Variants in ADAMTS2 observed in about 807,000 individuals in gnomAD.
ADAMTS2 encodes A disintegrin and metalloproteinase with thrombospondin motifs 2.
Under a neutral mutation model 123.0 loss-of-function variants are expected in ADAMTS2, and 50 were observed. The ratio of observed to expected loss-of-function variants is 0.41; its 90% CI spans 0.32 to 0.51. The LOEUF (loss-of-function observed/expected upper bound fraction) is 0.51, where lower values mean the gene tolerates loss of function less well. ADAMTS2 is among the 20% of genes least tolerant of loss of function. The pLI, the probability that ADAMTS2 is intolerant of heterozygous loss-of-function variation, is 0.35. For missense variants in ADAMTS2, 1,494 were observed against 1,705.2 expected, an observed-to-expected ratio of 0.88 and a Z score of 2.18; for synonymous variants, 678 against 695.4, an observed-to-expected ratio of 0.98 and a Z score of 0.39.
At chr5:179,171,285 C>T (rs1038143450) in intron 5 of ADAMTS2, among the ~76,000 whole-genome samples, 5 of 152,084 alleles carry the variant, frequency 3.3e-5, no homozygotes, top group Admixed American at 6.5e-5. Context: ...ATGGCTCCTC[C>T]GGTCCCACAG....
chr5:179,259,751 G>A (rs1295793248), intron 3 of ADAMTS2, among the ~76,000 whole-genome samples: 1 of 152,228 alleles, frequency 6.6e-6, no homozygotes, highest in Non-Finnish European at 1.5e-5. Flanking sequence ...ACAGTTAACT[G>A]TCAGAAAGTG....
intron 3 of ADAMTS2, among the ~76,000 whole-genome samples, chr5:179,220,003 T>C (rs1032542145): frequency 6.6e-6 from 1 of 152,114 alleles, no homozygotes; most frequent in African/African-American, 2.4e-5. Flanking sequence ...CTGCCTAGCA[T>C]CTGCTTAAGC....
At chr5:179,153,097 C>T (rs1385443079) in intron 9 of ADAMTS2, among the ~76,000 whole-genome samples, 5 of 152,168 alleles carry the variant, frequency 3.3e-5, no homozygotes, top group African/African-American at 1.2e-4. Context: ...CCTGTGCCTG[C>T]CGCGCTCTCC....
At position 179,154,055 on chromosome 5, in the gene ADAMTS2, T is replaced by A; in HGVS notation, c.1376A>T (p.Tyr459Phe). 6.2e-7 allele frequency: 1 copy of A among 1,602,376 alleles called. No homozygotes were observed. The change falls in exon 8 of 22, where the codon TAC becomes TTC. Residue 459 changes from tyrosine (Y) to phenylalanine (F), a missense_variant. Around this residue, in one of 6 missense-constraint regions of ADAMTS2, gnomAD observed 953 missense variants for 1,124.7 expected, o/e 0.85. Coordinates refer to ENST00000251582, the MANE Select transcript of ADAMTS2 (RefSeq NM_014244.5). Reference protein sequence around the residue: ...SRCSQQELSRYLHSYDCLLDD... With the variant: ...SRCSQQELSRFLHSYDCLLDD... ...GCACATGGGCAGTACTCACTGCAGG[T>A]AGCGGCTCAGCTCCTGCTGGCTGCA...
chr5:179,273,828 T>G (rs1766615368), intron 2 of ADAMTS2, among the ~76,000 whole-genome samples: 1 of 152,020 alleles, frequency 6.6e-6, no homozygotes, highest in African/African-American at 2.4e-5. Flanking sequence ...TGGGTCCTCA[T>G]TTCCGTTGGG....
At chr5:179,344,313 C>CGGG (rs1757875101) in intron 1 of ADAMTS2, 152 bp from the exon 2 acceptor site, 1 of 1,039,702 alleles carries the variant, frequency 9.6e-7, no homozygotes, top group Admixed American at 2.4e-5. Context: ...TGCACCTCCC[C>CGGG]GGCTTTCCTG....
At chr5:179,269,024 G>A (rs1291418911) in intron 3 of ADAMTS2, among the ~76,000 whole-genome samples, 2 of 152,176 alleles carry the variant, frequency 1.3e-5, no homozygotes, top group Admixed American at 1.3e-4. Flanking sequence ...AGCCTGTCCT[G>A]GATTACTCGG....
In ADAMTS2 at chr5:179,115,746, C is replaced by T. The variant is rs1465541637; in HGVS notation, c.3179-1422G>A. 6.6e-6 allele frequency among the ~76,000 whole-genome samples: 1 copy of T among 152,090 alleles called. No homozygotes were observed. The highest frequency in any genetic ancestry group is 1.9e-4 in the East Asian group (1 of 5,184). On this transcript the variant is annotated intron_variant, in intron 21 of 21. Transcript: ENST00000251582. This position sits in a 1 kb window ranked among gnomAD's most constrained non-coding sequence, Gnocchi z 4.4. ...AGGCTCAGGCATTGGATGGGAGCCACATCTGACAGTTATCCCATACACCAA... is the reference window on the plus strand; with the variant it reads ...AGGCTCAGGCATTGGATGGGAGCCATATCTGACAGTTATCCCATACACCAA...
At position 179,242,859 on chromosome 5, in the gene ADAMTS2, G is replaced by A. The variant is rs1765700574; in HGVS notation, c.688+30052C>T. Among the ~76,000 whole-genome samples the A allele has an allele frequency of 6.6e-6, 1 of 152,202 alleles. No homozygotes were observed. The highest frequency in any genetic ancestry group is 1.9e-4 in the East Asian group (1 of 5,198). ...GTGACAGAGGGTAACTCCCTGCTGA[G>A]TGTGACCGAAAGGCCGGAGCACCTT... On this transcript the variant is annotated intron_variant, in intron 3 of 21. Coordinates refer to ENST00000251582, the MANE Select transcript of ADAMTS2 (RefSeq NM_014244.5). This position sits in a 1 kb window ranked among gnomAD's most constrained non-coding sequence, Gnocchi z 4.2.
At chr5:179,137,979 C>T (rs1003367574) in intron 11 of ADAMTS2, 35 bp from the exon 12 acceptor site, 8 of 1,538,658 alleles carry the variant, frequency 5.2e-6, no homozygotes, top group Non-Finnish European at 6.1e-6. Flanking sequence ...CCGCTCCGTG[C>T]CATTGGAAAG....
At chr5:179,338,987 G>A (rs549759146) in intron 2 of ADAMTS2, among the ~76,000 whole-genome samples, 1 of 152,224 alleles carries the variant, frequency 6.6e-6, no homozygotes, top group Non-Finnish European at 1.5e-5. Context: ...CAGGGAAGGG[G>A]GTTCCAGAGG....
Position 179,254,016 on chromosome 5 carries a change from A to G in ADAMTS2, c.688+18895T>C, listed in dbSNP as rs182734200. Among the ~76,000 whole-genome samples the G allele has an allele frequency of 5.6e-3, 848 of 152,320 alleles. 2 individuals carry two copies. Among genetic ancestry groups the G allele is most frequent in the Non-Finnish European group, 8.0e-3 (544 of 68,020 alleles). On this transcript the variant is annotated intron_variant, in intron 3 of 21. Coordinates refer to ENST00000251582, the MANE Select transcript of ADAMTS2 (RefSeq NM_014244.5). Reference sequence around the variant, plus strand: ...ATATGCCATCCCAGGGCGGGGCAGCAGGGCACAAGGCCACTTCAGTGTCAA... The same window carrying G: ...ATATGCCATCCCAGGGCGGGGCAGCGGGGCACAAGGCCACTTCAGTGTCAA...
intron 2 of ADAMTS2, among the ~76,000 whole-genome samples, chr5:179,288,557 C>T (rs530049313): frequency 6.6e-6 from 1 of 152,188 alleles, no homozygotes; most frequent in African/African-American, 2.4e-5. Flanking sequence ...GGGGGCAGGG[C>T]CCCAGCACTG....
At position 179,130,997 on chromosome 5, in the gene ADAMTS2, A is replaced by G. The variant is rs1350607152; in HGVS notation, c.2291-899T>C. Among the ~76,000 whole-genome samples, 1 of 152,044 alleles carries G rather than the reference A, an allele frequency of 6.6e-6. No individual in the cohort carries two copies. Among genetic ancestry groups the G allele is most frequent in the Non-Finnish European group, 1.5e-5 (1 of 68,000 alleles). ...TCAGGCAAGTGGTACAGGTTTTTATATTTAGGGTAGCAGTCGAAAGTTTCC... is the reference window on the plus strand; with the variant it reads ...TCAGGCAAGTGGTACAGGTTTTTATGTTTAGGGTAGCAGTCGAAAGTTTCC... On this transcript the variant is annotated intron_variant, in intron 15 of 21. Coordinates refer to ENST00000251582, the MANE Select transcript of ADAMTS2 (RefSeq NM_014244.5). This position sits in a 1 kb window ranked among gnomAD's most constrained non-coding sequence, Gnocchi z 4.3.
chr5:179,265,060 AACTGC>A (rs1766332682), intron 3 of ADAMTS2, among the ~76,000 whole-genome samples: 2 of 152,144 alleles, frequency 1.3e-5, no homozygotes, highest in South Asian at 2.1e-4. Context: ...CCCTGCACCA[AACTGC>A]CCGCTGCCCA....
At chr5:179,305,182 T>C (rs548527817) in intron 2 of ADAMTS2, among the ~76,000 whole-genome samples, 6 of 152,186 alleles carry the variant, frequency 3.9e-5, no homozygotes, top group Non-Finnish European at 8.8e-5. Flanking sequence ...CCAGCAGATC[T>C]ACCCTAAGAT....
rs576435794 is a variant in ADAMTS2 at position 179,293,948 on chromosome 5, T to G, written c.535-20884A>C. 1.7e-3 allele frequency among the ~76,000 whole-genome samples: 263 copies of G among 152,186 alleles called. 5 individuals are homozygous for G. The South Asian group carries it at 0.036, about 21-fold the overall frequency. On this transcript the variant is annotated intron_variant, in intron 2 of 21. Coordinates refer to ENST00000251582, the MANE Select transcript of ADAMTS2 (RefSeq NM_014244.5). ...AGGTTTTTTTGTTTTTTTGTTTTTT[T>G]GTTTTAAGGTATTTGTGCATCTCAA...
At chr5:179,309,757 CAAAAAAAAAA>C (rs34487269) in intron 2 of ADAMTS2, among the ~76,000 whole-genome samples, 1 of 44,446 alleles carries the variant, frequency 2.2e-5, no homozygotes, top group Non-Finnish European at 4.4e-5. Flanking sequence ...ACTCAGTCTC[CAAAAAAAAAA>C]AAAAAAAAAA....
At chr5:179,194,679 C>T (rs1034482888) in intron 4 of ADAMTS2, among the ~76,000 whole-genome samples, 6 of 152,080 alleles carry the variant, frequency 3.9e-5, no homozygotes, top group Non-Finnish European at 7.4e-5. Flanking sequence ...CTCCATCTGC[C>T]GTGCTCTGGC....
Sources: allele counts gnomAD v4.1 joint callset (sites outside exome capture counted in the v4.1 genomes callset), GRCh38; gene constraint gnomAD v4.1.1; regional missense constraint gnomAD v4.1.1; non-coding constraint Gnocchi (gnomAD v3.1); transcripts MANE v1.5; gene names NCBI Gene and HGNC (gene_info 2026-07-23, HGNC 2026-07-21).